Variants in USP48 observed in about 807,000 individuals in gnomAD.
USP48 encodes ubiquitin specific peptidase 48.
USP48 carries 43 observed loss-of-function variants against 150.7 expected under a neutral mutation model. The ratio of observed to expected loss-of-function variants is 0.29; its 90% confidence interval spans 0.22 to 0.37. The LOEUF (loss-of-function observed/expected upper bound fraction) is 0.37, where lower values mean the gene tolerates loss of function less well. Ranked by LOEUF, USP48 falls within the 10% of genes least tolerant of loss-of-function variation. The pLI, the probability that USP48 is intolerant of heterozygous loss-of-function variation, is 1.00. For missense variants in USP48, 813 were observed against 1,249.6 expected (o/e 0.65, Z 5.27); for synonymous variants, 396 against 425.9 (o/e 0.93, Z 0.86).
chr1:21,694,583 A>C (rs1183457912), intron 23 of USP48, among the ~76,000 whole-genome samples: 2 of 120,346 alleles, frequency 1.7e-5, no homozygotes, highest in African/African-American at 3.0e-5. Flanking sequence ...AAAAAAAAAA[A>C]AAAAAAAAAA....
At chr1:21,725,071 G>A (rs2097732711) in intron 11 of USP48, 1 of 152,170 alleles carries the variant, frequency 6.6e-6, no homozygotes, top group Non-Finnish European at 1.5e-5. Flanking sequence ...AGAGTTACAT[G>A]TCTAGAAAAC....
chr1:21,764,072 T>C (rs1252255129), intron 1 of USP48, among the ~76,000 whole-genome samples: 2 of 152,088 alleles, frequency 1.3e-5, no homozygotes, highest in Non-Finnish European at 2.9e-5. Flanking sequence ...TTCCTTACAG[T>C]AGAAAAACAG....
chr1:21,696,295 C>G (rs191294220), intron 22 of USP48, among the ~76,000 whole-genome samples: 1 of 152,134 alleles, frequency 6.6e-6, no homozygotes, highest in South Asian at 2.1e-4. Flanking sequence ...CAAAATTAGC[C>G]GGGCATGGTG....
chr1:21,685,644 T>TATAC (rs2097578631), intron 25 of USP48, among the ~76,000 whole-genome samples: 1 of 152,214 alleles, frequency 6.6e-6, no homozygotes, highest in Admixed American at 6.5e-5. Flanking sequence ...CAGCTAGTTC[T>TATAC]TATTGATGTA....
chr1:21,737,682 CAATT>C (rs549063338), intron 8 of USP48, among the ~76,000 whole-genome samples: 34 of 152,256 alleles, frequency 2.2e-4, no homozygotes, highest in African/African-American at 8.2e-4. Flanking sequence ...CACATAACCA[CAATT>C]AATACTGAAA....
chr1:21,728,472 A>G (rs2097745954), intron 11 of USP48, 98 bp downstream of exon 11: 2 of 1,507,356 alleles, frequency 1.3e-6, no homozygotes, highest in Middle Eastern at 1.8e-4. Flanking sequence ...GGGTTATTAG[A>G]AAGAGTAAGT....
At chr1:21,715,950 C>T (rs1055698293) in intron 14 of USP48, among the ~76,000 whole-genome samples, 5 of 152,178 alleles carry the variant, frequency 3.3e-5, no homozygotes, top group Non-Finnish European at 7.3e-5. Context: ...TGCCTAAAAC[C>T]TACCACCGAA....
At chr1:21,773,271 A>AAAAG (rs2097887596) in intron 1 of USP48, among the ~76,000 whole-genome samples, 1 of 151,726 alleles carries the variant, frequency 6.6e-6, no homozygotes, top group African/African-American at 2.4e-5. Flanking sequence ...AAAAAAAAAA[A>AAAAG]AAAGAAAGAA....
chr1:21,703,692 C>T lies in USP48; in HGVS notation c.2516-74G>A, dbSNP rs1201599475. ...TGTTAAAGAATCAAAGATCTAAAAA[C>T]ATATGTCAAAGTTACTAGTGAATAT... On this transcript the variant is annotated intron_variant, in intron 20 of 26. Coordinates refer to ENST00000308271, the MANE Select transcript of USP48 (RefSeq NM_032236.8). The T allele has an allele frequency of 4.3e-6, 5 of 1,170,710 alleles. No homozygotes were observed. The East Asian group carries it at 7.1e-5, about 17-fold the overall frequency. 72.5% of individuals were successfully genotyped at this position (1,170,710 alleles called of 1,614,324 possible).
At chr1:21,714,772 T>G (rs2097699835) in intron 15 of USP48, among the ~76,000 whole-genome samples, 1 of 152,240 alleles carries the variant, frequency 6.6e-6, no homozygotes, top group South Asian at 2.1e-4. Flanking sequence ...TACATAGGAT[T>G]AAATAAGGAT....
intron 15 of USP48, 128 bp downstream of exon 15, chr1:21,715,261 G>C (rs1348994461): frequency 1.7e-6 from 1 of 593,020 alleles, no homozygotes; most frequent in African/African-American, 1.9e-5. Flanking sequence ...TCTAAATATG[G>C]GGAAATTCTA....
chr1:21,679,528 G>T, intron 26 of USP48, 89 bp from the exon 27 acceptor site: 1 of 1,510,644 alleles, frequency 6.6e-7, no homozygotes, highest in Non-Finnish European at 9.2e-7. Context: ...ATCATCAACA[G>T]GGAGCATCAA....
At chr1:21,750,497 T>C (rs1379225006) in intron 6 of USP48, among the ~76,000 whole-genome samples, 1 of 152,094 alleles carries the variant, frequency 6.6e-6, no homozygotes, top group Non-Finnish European at 1.5e-5. Context: ...GTCCCTCCCT[T>C]GTGCCTACAC....
At position 21,679,230 on chromosome 1, in the gene USP48, G is replaced by T; in HGVS notation, c.*187C>A. ...TGGAAACATTTCCTTCAAGTCTGATGTCCATCAGTGCAATCTGCTTTATTT... is the reference window on the plus strand; with the variant it reads ...TGGAAACATTTCCTTCAAGTCTGATTTCCATCAGTGCAATCTGCTTTATTT... On this transcript the variant is annotated 3_prime_UTR_variant, in exon 27 of 27. Coordinates refer to ENST00000308271, the MANE Select transcript of USP48 (RefSeq NM_032236.8). 9 of 382,176 alleles carry T rather than the reference G, an allele frequency of 2.4e-5. No homozygotes were observed. The highest frequency in any genetic ancestry group is 1.9e-4 in the East Asian group (2 of 10,434). The allele number at this position is 382,176 out of a possible 1,614,324, so 23.7% of individuals were successfully genotyped here.
At chr1:21,779,222 G>A (rs747149932) in intron 1 of USP48, among the ~76,000 whole-genome samples, 9 of 152,026 alleles carry the variant, frequency 5.9e-5, no homozygotes, top group Non-Finnish European at 1.2e-4. Context: ...GTTACAGAGT[G>A]AGACCTCATT....
At chr1:21,764,801 C>T (rs978996567) in intron 1 of USP48, among the ~76,000 whole-genome samples, 2 of 152,162 alleles carry the variant, frequency 1.3e-5, no homozygotes, top group African/African-American at 2.4e-5. Flanking sequence ...GTCCTCTCCC[C>T]TCCCAGAGGT....
rs143093717 is a variant in USP48, at chr1:21,707,567, A to G, written c.1964-699T>C. 7.7e-3 allele frequency among the ~76,000 whole-genome samples: 1,169 copies of G among 152,324 alleles called. 8 individuals are homozygous for G. Among genetic ancestry groups the G allele is most frequent in the South Asian group, 0.018 (88 of 4,832 alleles). On this transcript the variant is annotated intron_variant, in intron 15 of 26. Coordinates refer to ENST00000308271, the MANE Select transcript of USP48 (RefSeq NM_032236.8). Reference sequence around the variant, plus strand: ...TAATACTAGTCACCGCCACCCTGCCAGGACCTTTCTCCTCTGGCTCTACTT... The same window carrying G: ...TAATACTAGTCACCGCCACCCTGCCGGGACCTTTCTCCTCTGGCTCTACTT...
chr1:21,701,068 A>G (rs1339168643), intron 22 of USP48, among the ~76,000 whole-genome samples: 2 of 146,698 alleles, frequency 1.4e-5, no homozygotes, highest in Non-Finnish European at 3.0e-5. Context: ...CCATCTCAAA[A>G]AAAAAAAAAA....
At chr1:21,763,964 C>T (rs538011173) in intron 1 of USP48, among the ~76,000 whole-genome samples, 8 of 152,314 alleles carry the variant, frequency 5.3e-5, no homozygotes, top group African/African-American at 1.9e-4. Context: ...TGTAGCCTCT[C>T]CCATTCGTCA....
Sources: allele counts gnomAD v4.1 joint callset (sites outside exome capture counted in the v4.1 genomes callset), GRCh38; gene constraint gnomAD v4.1.1; transcripts MANE v1.5; gene names NCBI Gene and HGNC (gene_info 2026-07-23, HGNC 2026-07-21).